Variants in PDS5A observed in about 807,000 individuals in gnomAD.
PDS5A encodes the protein PDS5 cohesin associated factor A, also known as sister chromatid cohesion protein PDS5 homolog A.
A neutral mutation model predicts 167.1 loss-of-function variants in PDS5A; 42 were observed. The observed-to-expected ratio is 0.25, with a 90% CI of 0.20 to 0.33. The LOEUF is 0.33. Among genes scored for constraint, PDS5A ranks in the 10% least tolerant of loss-of-function variants. The pLI, the probability that PDS5A is intolerant of heterozygous loss-of-function variation, is 1.00. For missense variants in PDS5A, 1,033 were observed against 1,605.9 expected (o/e 0.64, Z 6.10); for synonymous variants, 553 against 554.6 (o/e 1.00, Z 0.04).
At position 39,926,963 on chromosome 4, in the gene PDS5A, G is replaced by C. The variant is rs550521660; in HGVS notation, c.343-102C>G. 7 of 976,914 alleles carry C rather than the reference G, an allele frequency of 7.2e-6. No individual in the cohort carries two copies. In the South Asian group the frequency reaches 2.2e-4, roughly 31 times the overall value. The allele number at this position is 976,914 out of a possible 1,614,324, so 60.5% of individuals were successfully genotyped here. ...TATTTGTGTACAAACTACAATAAAA[G>C]AAAATTCTCCTTTAGATGAATGTCT... is the stretch of plus-strand genomic sequence containing the variant. On this transcript the variant is annotated intron_variant, in intron 3 of 32. Transcript: ENST00000303538.
chr4:39,931,429 G>A (rs372829373), intron 2 of PDS5A, among the ~76,000 whole-genome samples: 1 of 152,140 alleles, frequency 6.6e-6, no homozygotes, highest in Admixed American at 6.6e-5. Context: ...TAGCTAAGTC[G>A]TGTGGGCCTG....
At chr4:39,917,670 G>A (rs1281550217) in intron 7 of PDS5A, among the ~76,000 whole-genome samples, 1 of 152,004 alleles carries the variant, frequency 6.6e-6, no homozygotes, top group African/African-American at 2.4e-5. Flanking sequence ...CACCTCCGAG[G>A]TTCAAGCAAT....
chr4:39,924,723 A>C (rs1280435202), intron 5 of PDS5A, among the ~76,000 whole-genome samples: 1 of 152,262 alleles, frequency 6.6e-6, no homozygotes, highest in East Asian at 1.9e-4. Flanking sequence ...TTACTTTTCT[A>C]TTAATGTGAC....
At chr4:39,863,275 A>G in intron 24 of PDS5A, 61 bp downstream of exon 24, 2 of 1,288,944 alleles carry the variant, frequency 1.6e-6, no homozygotes, top group Non-Finnish European at 2.2e-6. Context: ...TTGTATCCAT[A>G]GAAAAGTAAT....
At chr4:39,959,085 T>C (rs944668220) in intron 2 of PDS5A, among the ~76,000 whole-genome samples, 1 of 152,166 alleles carries the variant, frequency 6.6e-6, no homozygotes, top group African/African-American at 2.4e-5. Flanking sequence ...TCTTTTTATC[T>C]AAAGAAACAA....
intron 26 of PDS5A, among the ~76,000 whole-genome samples, chr4:39,859,194 TACC>T (rs1258637038): frequency 3.3e-5 from 5 of 152,192 alleles, no homozygotes; most frequent in African/African-American, 9.7e-5. Context: ...TATATATATT[TACC>T]ACAATTAACA....
chr4:39,907,590 C>CTT lies in PDS5A; in HGVS notation c.1233+803_1233+804dup, dbSNP rs71194936. Among the ~76,000 whole-genome samples, 889 of 141,738 alleles carry CTT rather than the reference C, an allele frequency of 6.3e-3. 6 individuals carry two copies. Among genetic ancestry groups the CTT allele is most frequent in the African/African-American group, 0.013 (486 of 38,870 alleles). 93.0% of individuals were successfully genotyped at this position (141,738 alleles called of 152,430 possible). Reference sequence around the variant, plus strand: ...AACAATCCATGTTTTCTTTTCTTTTCTTTTTTTTTTTTTTGAGACAGAGTC... The same window carrying CTT: ...AACAATCCATGTTTTCTTTTCTTTTCTTTTTTTTTTTTTTTTGAGACAGAGTC... On this transcript the variant is annotated intron_variant, in intron 11 of 32. Coordinates refer to ENST00000303538, the MANE Select transcript of PDS5A (RefSeq NM_001100399.2).
chr4:39,834,737 A>C (rs746514460), intron 32 of PDS5A, among the ~76,000 whole-genome samples: 3 of 152,206 alleles, frequency 2.0e-5, no homozygotes, highest in Non-Finnish European at 4.4e-5. Context: ...TTCTATTTTT[A>C]TCTCTTAACT....
intron 16 of PDS5A, among the ~76,000 whole-genome samples, chr4:39,895,884 AT>A (rs565936850): frequency 0.075 from 10,737 of 143,526 alleles, 459 homozygotes; most frequent in Non-Finnish European, 0.11. Flanking sequence ...TGCTCAGCTA[AT>A]TTTTTTTTTT....
intron 31 of PDS5A, 73 bp downstream of exon 31, chr4:39,841,875 G>C: frequency 1.3e-6 from 1 of 792,848 alleles, no homozygotes; most frequent in Non-Finnish European, 2.2e-6. Flanking sequence ...GTTGGCTGTA[G>C]ATTTCTTATC....
intron 16 of PDS5A, 131 bp from the exon 17 acceptor site, chr4:39,890,495 A>G (rs1560458316): frequency 1.1e-5 from 6 of 553,128 alleles, no homozygotes; most frequent in Non-Finnish European, 1.9e-5. Flanking sequence ...GACCCTGACT[A>G]AAATTTTTAC....
At chr4:39,893,405 T>C (rs1722137518) in intron 16 of PDS5A, among the ~76,000 whole-genome samples, 1 of 152,164 alleles carries the variant, frequency 6.6e-6, no homozygotes, top group Non-Finnish European at 1.5e-5. Context: ...AAATGGAACT[T>C]GGACAAAGAG....
At chr4:39,877,180 G>A (rs777457516) in intron 18 of PDS5A, 27 bp from the exon 19 acceptor site, 3 of 1,429,994 alleles carry the variant, frequency 2.1e-6, no homozygotes, top group Non-Finnish European at 2.8e-6. Flanking sequence ...AGCTTTAGAA[G>A]TACAGACAAT....
intron 2 of PDS5A, among the ~76,000 whole-genome samples, chr4:39,934,010 T>A (rs1384730521): frequency 2.6e-5 from 4 of 152,236 alleles, no homozygotes; most frequent in Non-Finnish European, 4.4e-5. Context: ...ACAGCAGCTT[T>A]CTACTAACTG....
chr4:39,917,923 T>G (rs1324713912), intron 7 of PDS5A, among the ~76,000 whole-genome samples: 1 of 145,846 alleles, frequency 6.9e-6, no homozygotes. Context: ...CACACGCCTG[T>G]AATCCCAGCA....
intron 16 of PDS5A, among the ~76,000 whole-genome samples, chr4:39,893,092 G>A (rs899915613): frequency 6.6e-6 from 1 of 152,184 alleles, no homozygotes; most frequent in African/African-American, 2.4e-5. Flanking sequence ...ACCAAGGACT[G>A]TTTCATTAAA....
chr4:39,867,353 C>T (rs556662915), intron 22 of PDS5A, among the ~76,000 whole-genome samples: 1 of 151,994 alleles, frequency 6.6e-6, no homozygotes, highest in Admixed American at 6.6e-5. Context: ...GATGTTTGTG[C>T]AAGATTTTGA....
intron 8 of PDS5A, among the ~76,000 whole-genome samples, chr4:39,915,078 G>A (rs941440100): frequency 7.9e-5 from 12 of 151,566 alleles, no homozygotes; most frequent in Non-Finnish European, 1.2e-4. Context: ...TTGCTCTGTT[G>A]CCCAGGCTGG....
chr4:39,955,737 G>A (rs567221607), intron 2 of PDS5A, among the ~76,000 whole-genome samples: 1 of 152,198 alleles, frequency 6.6e-6, no homozygotes, highest in African/African-American at 2.4e-5. Context: ...GTGAGTCCAG[G>A]GGGTTTGTTG....
Sources: allele counts gnomAD v4.1 joint callset (sites outside exome capture counted in the v4.1 genomes callset), GRCh38; gene constraint gnomAD v4.1.1; transcripts MANE v1.5; gene names NCBI Gene and HGNC (gene_info 2026-07-23, HGNC 2026-07-21).